The following DNER variants were observed in gnomAD, a reference collection of about 807,000 sequenced individuals.
DNER encodes the protein delta and Notch-like epidermal growth factor-related receptor.
A neutral mutation model predicts 78.2 loss-of-function variants in DNER; 33 were observed. That is an observed-to-expected ratio of 0.42 (90% CI 0.32 to 0.56). The LOEUF (loss-of-function observed/expected upper bound fraction) is 0.56. DNER is among the 20% of genes least tolerant of loss of function. DNER has a pLI of 0.11. For missense variants in DNER, 918 were observed against 975.3 expected (o/e 0.94, Z 0.78); for synonymous variants, 417 against 384.8 (o/e 1.08, Z -0.98).
intron 7 of DNER, among the ~76,000 whole-genome samples, chr2:229,470,090 G>A (rs534253250): frequency 7.9e-5 from 12 of 152,300 alleles, no homozygotes; most frequent in South Asian, 4.1e-4. Context: ...GAAAACCATC[G>A]TTGAAGTTCA....
chr2:229,422,922 G>A (rs1274319706), intron 8 of DNER, among the ~76,000 whole-genome samples: 2 of 152,172 alleles, frequency 1.3e-5, no homozygotes, highest in African/African-American at 4.8e-5. Flanking sequence ...GGAAGCCAGA[G>A]GATGAAAGGA....
intron 6 of DNER, among the ~76,000 whole-genome samples, chr2:229,501,503 G>T (rs1055257200): frequency 2.0e-5 from 3 of 151,578 alleles, no homozygotes; most frequent in African/African-American, 7.3e-5. Flanking sequence ...TAACAAATTT[G>T]GAGCTGCAGA....
intron 11 of DNER, among the ~76,000 whole-genome samples, chr2:229,377,293 C>T (rs116361129): frequency 6.6e-6 from 1 of 152,152 alleles, no homozygotes; most frequent in Non-Finnish European, 1.5e-5. Flanking sequence ...ATAGATTCAA[C>T]TGTTTAATAT....
At chr2:229,379,172 C>A (rs1471996991) in intron 11 of DNER, among the ~76,000 whole-genome samples, 1 of 152,156 alleles carries the variant, frequency 6.6e-6, no homozygotes, top group African/African-American at 2.4e-5. Flanking sequence ...TAGGCAGCAT[C>A]TAAAAAGACA....
rs944574058 is a variant in DNER, at chr2:229,407,318, G to A, written c.1637C>T (p.Pro546Leu). Reference protein sequence around the residue: ...KGTHCELYKDPCANVSCLNGA... With the variant: ...KGTHCELYKDLCANVSCLNGA... ...GTTCAGACAGCTGACGTTAGCGCAG[G>A]GATCCTTGTACAATTCACAGTGTGT... The change falls in exon 10 of 13, where the codon CCC becomes CTC. Residue 546 changes from proline to leucine, a missense_variant. Pro to Leu is a moderately conservative substitution (Grantham distance 98). Coordinates refer to ENST00000341772, the MANE Select transcript of DNER (RefSeq NM_139072.4). The A allele has an allele frequency of 1.8e-5, 29 of 1,613,730 alleles. No homozygotes were observed. The highest frequency in any genetic ancestry group is 2.5e-5 in the Non-Finnish European group (29 of 1,179,848).
At chr2:229,682,227 T>C (rs954223469) in intron 1 of DNER, among the ~76,000 whole-genome samples, 1 of 152,176 alleles carries the variant, frequency 6.6e-6, no homozygotes, top group African/African-American at 2.4e-5. Context: ...CAAACTCCAG[T>C]ATAAAATTCA....
chr2:229,624,776 T>C (rs1009592342), intron 1 of DNER, among the ~76,000 whole-genome samples: 1 of 152,242 alleles, frequency 6.6e-6, no homozygotes, highest in Admixed American at 6.5e-5. Context: ...CCAGGCAGTC[T>C]TGACAGAGCC....
At chr2:229,582,725 C>T (rs1431171103) in intron 4 of DNER, among the ~76,000 whole-genome samples, 2 of 151,854 alleles carry the variant, frequency 1.3e-5, no homozygotes, top group African/African-American at 2.4e-5. Flanking sequence ...CTGCAAGCTC[C>T]GCCTCCCGGG....
intron 5 of DNER, among the ~76,000 whole-genome samples, chr2:229,542,756 T>A (rs1696539986): frequency 7.7e-6 from 1 of 129,546 alleles, no homozygotes. Context: ...TCATAAAAAG[T>A]CACAGGAACC....
chr2:229,441,924 T>A (rs1269109708), intron 8 of DNER, among the ~76,000 whole-genome samples: 4 of 152,184 alleles, frequency 2.6e-5, no homozygotes, highest in Non-Finnish European at 2.9e-5. Context: ...CTCTTCTTTT[T>A]CTCAGTTCTC....
intron 6 of DNER, among the ~76,000 whole-genome samples, chr2:229,477,895 T>C (rs1271774422): frequency 6.6e-6 from 1 of 152,196 alleles, no homozygotes; most frequent in Admixed American, 6.5e-5. Flanking sequence ...TTTTGTTGGA[T>C]TGTAACATAA....
At chr2:229,655,504 G>T (rs1167571740) in intron 1 of DNER, among the ~76,000 whole-genome samples, 2 of 152,140 alleles carry the variant, frequency 1.3e-5, no homozygotes, top group Admixed American at 6.5e-5. Flanking sequence ...AGGCAAATAC[G>T]ACAGTTCAGA....
At chr2:229,454,192 A>G (rs578183141) in intron 7 of DNER, among the ~76,000 whole-genome samples, 7 of 152,292 alleles carry the variant, frequency 4.6e-5, no homozygotes, top group Non-Finnish European at 1.0e-4. Context: ...AAGGACTATG[A>G]GCTAAATGAG....
chr2:229,675,618 T>C (rs1315443135), intron 1 of DNER, among the ~76,000 whole-genome samples: 1 of 152,180 alleles, frequency 6.6e-6, no homozygotes, highest in African/African-American at 2.4e-5. Context: ...AATCTTGTTA[T>C]CCTACCAGAA....
At chr2:229,500,397 G>A (rs1203947884) in intron 6 of DNER, among the ~76,000 whole-genome samples, 1 of 152,148 alleles carries the variant, frequency 6.6e-6, no homozygotes, top group Non-Finnish European at 1.5e-5. Flanking sequence ...AATATGTGTT[G>A]GTGAGGATGT....
intron 1 of DNER, among the ~76,000 whole-genome samples, chr2:229,685,098 C>A (rs1274773494): frequency 6.6e-6 from 1 of 152,048 alleles, no homozygotes; most frequent in Non-Finnish European, 1.5e-5. Flanking sequence ...GGACTGTGGT[C>A]GTATAATAAT....
intron 10 of DNER, among the ~76,000 whole-genome samples, chr2:229,398,946 A>G (rs898624514): frequency 6.6e-6 from 1 of 152,060 alleles, no homozygotes; most frequent in African/African-American, 2.4e-5. Flanking sequence ...CAGCATCTAA[A>G]AAAAAACACT....
At chr2:229,426,970 T>C (rs1160272949) in intron 8 of DNER, among the ~76,000 whole-genome samples, 1 of 152,246 alleles carries the variant, frequency 6.6e-6, no homozygotes, top group Non-Finnish European at 1.5e-5. Flanking sequence ...TGTTTCTTAT[T>C]TCTTTAGTCT....
At chr2:229,408,512 C>T (rs1436836526) in intron 9 of DNER, among the ~76,000 whole-genome samples, 1 of 151,946 alleles carries the variant, frequency 6.6e-6, no homozygotes, top group African/African-American at 2.4e-5. Flanking sequence ...AATGATATGC[C>T]CACACTTCCC....
Sources: gnomAD v4.1 joint callset for allele counts (sites outside exome capture counted in the v4.1 genomes callset) on GRCh38, gnomAD v4.1.1 for gene constraint, MANE v1.5 for transcripts, NCBI Gene and HGNC (gene_info 2026-07-23, HGNC 2026-07-21) for gene names.